Variants in MTUS2 observed in about 807,000 individuals in gnomAD.
MTUS2 encodes the protein microtubule associated scaffold protein 2, also known as microtubule-associated tumor suppressor candidate 2.
A neutral mutation model predicts 114.1 loss-of-function variants in MTUS2; 40 were observed. That is an observed-to-expected ratio of 0.35 (90% CI 0.27 to 0.46). The LOEUF (loss-of-function observed/expected upper bound fraction) is 0.46, where lower values mean the gene tolerates loss of function less well. Ranked by LOEUF, MTUS2 falls within the 20% of genes least tolerant of loss-of-function variation. MTUS2 has a pLI of 1.00. For synonymous variants in MTUS2, 688 were observed against 672.0 expected (o/e 1.02, Z -0.37); for missense variants, 1,679 against 1,705.4 (o/e 0.98, Z 0.27).
At chr13:29,460,594 C>T (rs1879412357) in intron 9 of MTUS2, among the ~76,000 whole-genome samples, 1 of 152,182 alleles carries the variant, frequency 6.6e-6, no homozygotes, top group South Asian at 2.1e-4. Flanking sequence ...ATCCTCAAGT[C>T]CTGTTTTTCC....
At chr13:29,032,286 A>T (rs4238114) in intron 3 of MTUS2, among the ~76,000 whole-genome samples, 147,027 of 152,224 alleles carry the variant, frequency 0.97, 71,052 homozygotes, top group South Asian at 0.98. Context: ...CATTGTTGAG[A>T]GAGAATGTGG....
chr13:29,450,414 A>G (rs1247978870), intron 9 of MTUS2, among the ~76,000 whole-genome samples: 1 of 152,178 alleles, frequency 6.6e-6, no homozygotes, highest in African/African-American at 2.4e-5. Context: ...AGGATCTAGC[A>G]GAATGTTTGG....
At chr13:28,823,187 C>G (rs1290065148) in intron 1 of MTUS2, among the ~76,000 whole-genome samples, 1 of 152,236 alleles carries the variant, frequency 6.6e-6, no homozygotes, top group Non-Finnish European at 1.5e-5. Flanking sequence ...ATAGGAGATC[C>G]TTCTGTAAGC....
At chr13:29,303,799 T>C (rs1401851522) in intron 6 of MTUS2, among the ~76,000 whole-genome samples, 3 of 152,206 alleles carry the variant, frequency 2.0e-5, no homozygotes, top group Non-Finnish European at 4.4e-5. Context: ...CCCAGTAAGA[T>C]ACTCCATGAG....
At chr13:29,300,555 A>G (rs962094) in intron 6 of MTUS2, among the ~76,000 whole-genome samples, 41,618 of 151,778 alleles carry the variant, frequency 0.27, 6,859 homozygotes, top group Middle Eastern at 0.39. Context: ...ATTTCTTAGT[A>G]TGAGGAGCAT....
rs75315512 is a variant in MTUS2, at chr13:29,436,023, A to G, written c.3118-3960A>G. On this transcript the variant is annotated intron_variant, in intron 8 of 15. Coordinates refer to ENST00000612955, the MANE Select transcript of MTUS2 (RefSeq NM_001033602.4). The stretch of plus-strand genomic sequence containing the variant: ...GGAAACAGACTAATGTGCAACTCAC[A>G]AAACAACACCCAGGACACAGACAGG... Among the ~76,000 whole-genome samples, 1,172 of 152,338 alleles carry G rather than the reference A, an allele frequency of 7.7e-3. 16 individuals are homozygous for G. Among genetic ancestry groups the G allele is most frequent in the African/African-American group, 0.027 (1,115 of 41,582 alleles).
chr13:28,911,088 G>T lies in MTUS2; in HGVS notation c.-243+71238G>T, dbSNP rs546824865. ...GACGGGGTTTCACCGTGTTATCCAG[G>T]ATGGTCTTGATCTCCTGACCCCGTG... On this transcript the variant is annotated intron_variant, in intron 2 of 15. Coordinates refer to ENST00000612955, the MANE Select transcript of MTUS2 (RefSeq NM_001033602.4). Among the ~76,000 whole-genome samples the T allele has an allele frequency of 2.0e-5, 3 of 150,566 alleles. No homozygotes were observed. The South Asian group carries it at 6.4e-4, about 32-fold the overall frequency.
At chr13:29,092,419 T>C (rs953265892) in intron 4 of MTUS2, among the ~76,000 whole-genome samples, 5 of 152,196 alleles carry the variant, frequency 3.3e-5, no homozygotes, top group Admixed American at 3.3e-4. Flanking sequence ...GCTGGGTGGG[T>C]GACCACTTGA....
At chr13:29,120,371 A>T (rs1891258530) in intron 5 of MTUS2, among the ~76,000 whole-genome samples, 1 of 152,064 alleles carries the variant, frequency 6.6e-6, no homozygotes, top group Non-Finnish European at 1.5e-5. Flanking sequence ...AGTAAAATAT[A>T]TTTTCACAAA....
At chr13:29,327,029 G>A (rs1252912315) in intron 7 of MTUS2, among the ~76,000 whole-genome samples, 1 of 152,010 alleles carries the variant, frequency 6.6e-6, no homozygotes, top group African/African-American at 2.4e-5. Flanking sequence ...TTACTAGACT[G>A]TGTTCCCTTA....
At chr13:28,843,376 A>C (rs924356821) in intron 2 of MTUS2, among the ~76,000 whole-genome samples, 5 of 152,186 alleles carry the variant, frequency 3.3e-5, no homozygotes, top group African/African-American at 1.2e-4. Context: ...TCTGCTTTAA[A>C]ATTATCCTCA....
chr13:28,891,673 G>T (rs561279123), intron 2 of MTUS2, among the ~76,000 whole-genome samples: 1 of 151,588 alleles, frequency 6.6e-6, no homozygotes, highest in South Asian at 2.1e-4. Flanking sequence ...AGATCAGGAG[G>T]TGGAGACTAC....
chr13:29,195,263 A>T (rs202222232), intron 5 of MTUS2, among the ~76,000 whole-genome samples: 2 of 81,932 alleles, frequency 2.4e-5, no homozygotes, highest in Admixed American at 1.2e-4. Context: ...ATAAAATAAA[A>T]TAAAAGTAAT....
At chr13:29,334,780 G>A (rs537521456) in intron 7 of MTUS2, among the ~76,000 whole-genome samples, 2 of 152,242 alleles carry the variant, frequency 1.3e-5, no homozygotes, top group South Asian at 2.1e-4. Context: ...CCGAACGGAG[G>A]GACTGGCTGA....
chr13:28,958,883 A>G (rs1883191376), intron 2 of MTUS2, among the ~76,000 whole-genome samples: 1 of 152,236 alleles, frequency 6.6e-6, no homozygotes, highest in African/African-American at 2.4e-5. Context: ...CTTTAAAGCT[A>G]TGTGTATATT....
chr13:29,313,957 A>C (rs1312560090), intron 6 of MTUS2, among the ~76,000 whole-genome samples: 1 of 152,170 alleles, frequency 6.6e-6, no homozygotes, highest in Non-Finnish European at 1.5e-5. Context: ...TTCCACACTC[A>C]GCCAAGCAAC....
At chr13:28,848,133 T>C (rs898213286) in intron 2 of MTUS2, among the ~76,000 whole-genome samples, 1 of 152,264 alleles carries the variant, frequency 6.6e-6, no homozygotes, top group African/African-American at 2.4e-5. Context: ...ATGCCTGCTT[T>C]GTGATAATCA....
At chr13:29,206,224 C>G (rs1211424455) in intron 5 of MTUS2, among the ~76,000 whole-genome samples, 1 of 152,100 alleles carries the variant, frequency 6.6e-6, no homozygotes, top group Non-Finnish European at 1.5e-5. Context: ...TGAGAATTGT[C>G]TATTCATGTC....
At chr13:29,389,343 ACGTGTGTGTATATATGTATG>A (rs1566172455) in intron 8 of MTUS2, among the ~76,000 whole-genome samples, 13,383 of 52,648 alleles carry the variant, frequency 0.25, 3,107 homozygotes, top group East Asian at 0.37. Context: ...ATATGTATGC[ACGTGTGTGTATATATGTATG>A]CACGTGTGTG....
Sources: gnomAD v4.1 joint callset for allele counts (sites outside exome capture counted in the v4.1 genomes callset) on GRCh38, gnomAD v4.1.1 for gene constraint, MANE v1.5 for transcripts, NCBI Gene and HGNC (gene_info 2026-07-23, HGNC 2026-07-21) for gene names.